TMEM196: variants seen among roughly 807,000 people sequenced by gnomAD.
TMEM196 encodes transmembrane protein 196.
Under a neutral mutation model 20.0 loss-of-function variants are expected in TMEM196, and 17 were observed. The observed-to-expected ratio is 0.85, with a 90% CI of 0.58 to 1.27. The LOEUF is 1.27. Among genes scored for constraint, TMEM196 ranks in the 50% most tolerant of loss-of-function variants. The probability of loss-of-function intolerance (pLI) is 0.00; values close to 1 mark genes in which losing one functional copy is unlikely to be tolerated. For missense variants in TMEM196, 267 were observed against 223.0 expected, an observed-to-expected ratio of 1.20 and a Z score of -1.26; for synonymous variants, 113 against 88.9, an observed-to-expected ratio of 1.27 and a Z score of -1.52.
At chr7:19,768,950 A>G (rs962086840) in intron 1 of TMEM196, among the ~76,000 whole-genome samples, 1 of 152,170 alleles carries the variant, frequency 6.6e-6, no homozygotes, top group African/African-American at 2.4e-5. Flanking sequence ...CCAAAAAATC[A>G]AAATGCAGCA....
At chr7:19,750,167 TTCTC>T (rs995385572) in intron 1 of TMEM196, among the ~76,000 whole-genome samples, 1 of 152,176 alleles carries the variant, frequency 6.6e-6, no homozygotes, top group Non-Finnish European at 1.5e-5. Context: ...TCTGTTGTCT[TTCTC>T]TCTCTTTAAG....
At chr7:19,772,087 G>A (rs895600277) in intron 1 of TMEM196, among the ~76,000 whole-genome samples, 8 of 152,078 alleles carry the variant, frequency 5.3e-5, no homozygotes, top group African/African-American at 1.9e-4. Context: ...TATTGCCCAG[G>A]GATAAATGCA....
intron 1 of TMEM196, among the ~76,000 whole-genome samples, chr7:19,740,017 G>C (rs562137910): frequency 6.6e-6 from 1 of 152,106 alleles, no homozygotes; most frequent in Non-Finnish European, 1.5e-5. Context: ...CAAGTGAGAA[G>C]TTATCCAACA....
chr7:19,748,079 C>A (rs1181787902), intron 1 of TMEM196, among the ~76,000 whole-genome samples: 1 of 151,666 alleles, frequency 6.6e-6, no homozygotes, highest in African/African-American at 2.4e-5. Context: ...CTGGTCTCTC[C>A]CATGCATATT....
chr7:19,724,011 G>A (rs577184832), intron 4 of TMEM196, among the ~76,000 whole-genome samples: 79 of 152,198 alleles, frequency 5.2e-4, no homozygotes, highest in Non-Finnish European at 9.9e-4. Context: ...GACAATAAAA[G>A]GAGTCATGAA....
At chr7:19,770,315 T>TA (rs1562632745) in intron 1 of TMEM196, among the ~76,000 whole-genome samples, 1 of 152,174 alleles carries the variant, frequency 6.6e-6, no homozygotes, top group African/African-American at 2.4e-5. Context: ...ATCTTTATAG[T>TA]ATTGGTAGTA....
chr7:19,750,978 A>C (rs1299748285), intron 1 of TMEM196, among the ~76,000 whole-genome samples: 2 of 152,218 alleles, frequency 1.3e-5, no homozygotes, highest in Non-Finnish European at 2.9e-5. Flanking sequence ...AATGTAATGC[A>C]TTCGAAGTTT....
chr7:19,729,336 C>A, intron 2 of TMEM196, 46 bp downstream of exon 2: 1 of 1,475,278 alleles, frequency 6.8e-7, no homozygotes, highest in Non-Finnish European at 9.1e-7. Flanking sequence ...TAGAATTTTA[C>A]GTTTCATACA....
intron 1 of TMEM196, among the ~76,000 whole-genome samples, chr7:19,747,128 G>A (rs917430344): frequency 1.3e-5 from 2 of 150,682 alleles, no homozygotes; most frequent in Admixed American, 1.3e-4. Flanking sequence ...AGTGGCGGGC[G>A]CCTGTAGTCC....
chr7:19,734,947 G>A (rs73680697), intron 1 of TMEM196, among the ~76,000 whole-genome samples: 2,786 of 152,104 alleles, frequency 0.018, 87 homozygotes, highest in African/African-American at 0.063. Flanking sequence ...AATAACAAAA[G>A]CACAAAATAA....
At position 19,736,352 on chromosome 7, in the gene TMEM196, A is replaced by ATTATATATAT. The variant is rs1562612121; in HGVS notation, c.148-6915_148-6914insATATATATAA. 6.8e-4 allele frequency among the ~76,000 whole-genome samples: 71 copies of ATTATATATAT among 103,974 alleles called. 2 individuals carry two copies. The highest frequency in any genetic ancestry group is 1.1e-3 in the Non-Finnish European group (50 of 45,252). The allele number at this position is 103,974 out of a possible 152,430, so 68.2% of individuals were successfully genotyped here. A position where few individuals can be genotyped will look rare whatever the true frequency, so the allele number is the denominator to read the frequency against. On this transcript the variant is annotated intron_variant, in intron 1 of 4. Coordinates refer to ENST00000405844, the MANE Select transcript of TMEM196 (RefSeq NM_001363562.2). ...AGATCCCACTTTTCTAGTGGTTCCT[A>ATTATATATAT]CTATATATATATATATATATATATA...
At chr7:19,763,142 C>T (rs894406610) in intron 1 of TMEM196, among the ~76,000 whole-genome samples, 1 of 152,132 alleles carries the variant, frequency 6.6e-6, no homozygotes, top group Non-Finnish European at 1.5e-5. Flanking sequence ...ACTTCTGTTA[C>T]TGGTTTCACT....
chr7:19,749,216 A>T (rs886854624), intron 1 of TMEM196, among the ~76,000 whole-genome samples: 2 of 152,236 alleles, frequency 1.3e-5, no homozygotes, highest in Non-Finnish European at 2.9e-5. Flanking sequence ...AACAAGATAA[A>T]AATAAACCAA....
At chr7:19,727,437 T>C (rs143864319) in intron 2 of TMEM196, among the ~76,000 whole-genome samples, 22 of 152,292 alleles carry the variant, frequency 1.4e-4, no homozygotes, top group African/African-American at 5.3e-4. Context: ...GTAAATATCA[T>C]CAGAGCTAAA....
At chr7:19,740,293 A>G (rs1784541660) in intron 1 of TMEM196, among the ~76,000 whole-genome samples, 1 of 152,162 alleles carries the variant, frequency 6.6e-6, no homozygotes, top group Non-Finnish European at 1.5e-5. Flanking sequence ...AAGGCAAGAA[A>G]TATATAATTA....
chr7:19,763,692 T>C (rs1378167081), intron 1 of TMEM196, among the ~76,000 whole-genome samples: 1 of 152,138 alleles, frequency 6.6e-6, no homozygotes, highest in Non-Finnish European at 1.5e-5. Context: ...AATATGTCTA[T>C]AAACGACGAA....
At chr7:19,742,374 G>C (rs1784611142) in intron 1 of TMEM196, among the ~76,000 whole-genome samples, 1 of 152,042 alleles carries the variant, frequency 6.6e-6, no homozygotes, top group African/African-American at 2.4e-5. Flanking sequence ...CCTTTCCGAG[G>C]AAAAAGAGTA....
chr7:19,747,667 C>G (rs1222945115), intron 1 of TMEM196, among the ~76,000 whole-genome samples: 1 of 152,188 alleles, frequency 6.6e-6, no homozygotes, highest in African/African-American at 2.4e-5. Flanking sequence ...TGGAATTTTT[C>G]AATTATGATT....
At chr7:19,752,852 A>T (rs1251418090) in intron 1 of TMEM196, among the ~76,000 whole-genome samples, 1 of 152,028 alleles carries the variant, frequency 6.6e-6, no homozygotes, top group Non-Finnish European at 1.5e-5. Context: ...TGACCTCGTG[A>T]TCCACCTGCC....
Sources: allele counts gnomAD v4.1 joint callset (sites outside exome capture counted in the v4.1 genomes callset), GRCh38; gene constraint gnomAD v4.1.1; transcripts MANE v1.5; gene names NCBI Gene and HGNC (gene_info 2026-07-23, HGNC 2026-07-21).